TTLL2: variants seen among roughly 807,000 people sequenced by gnomAD.
The protein encoded by TTLL2 is probable tubulin polyglutamylase TTLL2.
A neutral mutation model predicts 7.5 loss-of-function variants in TTLL2; 10 were observed. That is an observed-to-expected ratio of 1.33 (90% CI 0.82 to 2.25). The LOEUF is 2.25. Ranked by LOEUF, TTLL2 falls within the 30% of genes most tolerant of loss-of-function variation. The probability of loss-of-function intolerance (pLI) is 0.00; values close to 1 mark genes in which losing one functional copy is unlikely to be tolerated. For missense variants in TTLL2, 733 were observed against 735.7 expected, an observed-to-expected ratio of 1.00 and a Z score of 0.04; for synonymous variants, 284 against 280.3, an observed-to-expected ratio of 1.01 and a Z score of -0.13.
In TTLL2 at chr6:167,341,676, C is replaced by T; in HGVS notation, c.1776C>T (p.Ser592=). Residue 592 remains serine, a synonymous_variant, in exon 3 of 3, where the codon TCC becomes TCT. Transcript: ENST00000239587. Reference sequence around the variant, plus strand: ...AGAAACTAATGAATAAGCAACATTCCTAAGTGGTAAAAAATCAAATCAAGA... The same window carrying T: ...AGAAACTAATGAATAAGCAACATTCTTAAGTGGTAAAAAATCAAATCAAGA... ...ELQKLMNKQH[S] is the part of the protein sequence containing the mutation. 1 of 1,587,830 alleles carries T rather than the reference C, an allele frequency of 6.3e-7. No homozygotes were observed. Among genetic ancestry groups the T allele is most frequent in the Non-Finnish European group, 8.5e-7 (1 of 1,170,636 alleles).
At chr6:167,335,839 G>A (rs1465804855) in intron 1 of TTLL2, among the ~76,000 whole-genome samples, 1 of 110,120 alleles carries the variant, frequency 9.1e-6, no homozygotes, top group African/African-American at 3.5e-5. Flanking sequence ...GGGGAGGGGG[G>A]AGGGATAGCA....
chr6:167,329,302 T>G (rs988275996), intron 1 of TTLL2, among the ~76,000 whole-genome samples: 2 of 152,200 alleles, frequency 1.3e-5, no homozygotes, highest in Non-Finnish European at 2.9e-5. Flanking sequence ...GAGACTATCA[T>G]GACTCAACAG....
intron 2 of TTLL2, among the ~76,000 whole-genome samples, chr6:167,339,843 A>C (rs1273184199): frequency 1.3e-5 from 2 of 152,224 alleles, no homozygotes; most frequent in African/African-American, 4.8e-5. Flanking sequence ...AAACATTTTT[A>C]ACATGTTACT....
chr6:167,335,025 G>C (rs1253539361), intron 1 of TTLL2, among the ~76,000 whole-genome samples: 2 of 69,818 alleles, frequency 2.9e-5, no homozygotes, highest in Non-Finnish European at 5.1e-5. Context: ...CCATCAGAGT[G>C]AACAGGCAAC....
chr6:167,338,787 C>T lies in TTLL2; in HGVS notation c.188C>T (p.Pro63Leu), dbSNP rs537648843. ...CCTCCCAGGCGAGGCCGCCCAACACCAACACTGGAGAAGAAGGTGGGTGGG... is the reference window on the plus strand; with the variant it reads ...CCTCCCAGGCGAGGCCGCCCAACACTAACACTGGAGAAGAAGGTGGGTGGG... ...SIPPRRGRPT[P>L]TLEKKKKPHL... is the part of the protein sequence containing the mutation. Residue 63 changes from proline (P) to leucine (L), a missense_variant, in exon 2 of 3, where the codon CCA (proline) becomes CTA (leucine). By Grantham distance (98) the Pro-to-Leu change is moderately conservative (BLOSUM62 -3). Transcript: ENST00000239587. The T allele has an allele frequency of 2.5e-6, 4 of 1,611,086 alleles. No homozygotes were observed. In the African/African-American group the frequency reaches 4.0e-5, roughly 16 times the overall value.
Position 167,330,407 on chromosome 6 carries a change from A to G in TTLL2, c.47+5187A>G, listed in dbSNP as rs961029882. 2.0e-5 allele frequency among the ~76,000 whole-genome samples: 3 copies of G among 152,004 alleles called. No homozygotes were observed. In the East Asian group the frequency reaches 5.8e-4, roughly 29 times the overall value. On this transcript the variant is annotated intron_variant, in intron 1 of 2. Coordinates refer to ENST00000239587, the MANE Select transcript of TTLL2 (RefSeq NM_031949.5). The stretch of plus-strand genomic sequence containing the variant: ...ACCCCGTCTCTACTAAAAATACAAA[A>G]CAAATTATCCAGGCGTGGTGGTGCC...
In TTLL2 at chr6:167,338,824, GTTCCTTCC is replaced by G. The variant is rs370141340; in HGVS notation, c.204+57_204+64del. 961 of 1,061,264 alleles carry G rather than the reference GTTCCTTCC, an allele frequency of 9.1e-4. 3 individuals carry two copies. The highest frequency in any genetic ancestry group is 4.2e-3 in the African/African-American group (242 of 57,812). The allele number at this position is 1,061,264 out of a possible 1,614,324, so 65.7% of individuals were successfully genotyped here. A position where few individuals can be genotyped will look rare whatever the true frequency, so the allele number is the denominator to read the frequency against. ...AGAAGGTGGGTGGGCAAGCCAGGTAGTTCCTTCCTTCCTTCCTTCCTTCCTTCCTTCCT... is the reference window on the plus strand; with the variant it reads ...AGAAGGTGGGTGGGCAAGCCAGGTAGTTCCTTCCTTCCTTCCTTCCTTCCT... On this transcript the variant is annotated intron_variant, in intron 2 of 2. Coordinates refer to ENST00000239587, the MANE Select transcript of TTLL2 (RefSeq NM_031949.5).
chr6:167,340,752 G>A lies in TTLL2; in HGVS notation c.852G>A (p.Lys284=). The A allele has an allele frequency of 6.2e-7, 1 of 1,614,192 alleles. No individual in the cohort carries two copies. The highest frequency in any genetic ancestry group is 8.5e-7 in the Non-Finnish European group (1 of 1,180,036). ...GGTTGGTTCGGTTTGCCACGGAAAAGTTTGACCTCAGTAATTTGCAAAACA... is the reference window on the plus strand; with the variant it reads ...GGTTGGTTCGGTTTGCCACGGAAAAATTTGACCTCAGTAATTTGCAAAACA... ...QEGLVRFATE[K]FDLSNLQNNY... The change falls in exon 3 of 3, where the codon AAG becomes AAA. Residue 284 remains lysine (K), a synonymous_variant. Transcript: ENST00000239587.
At chr6:167,335,973 A>T (rs1778978870) in intron 1 of TTLL2, among the ~76,000 whole-genome samples, 1 of 94,392 alleles carries the variant, frequency 1.1e-5, no homozygotes, top group Non-Finnish European at 1.9e-5. Context: ...AAGTATAATT[A>T]AAAAAAGAAA....
At chr6:167,338,363 TACAG>T (rs1396393787) in intron 1 of TTLL2, among the ~76,000 whole-genome samples, 1 of 144,844 alleles carries the variant, frequency 6.9e-6, no homozygotes, top group Non-Finnish European at 1.5e-5. Context: ...ACACACAACA[TACAG>T]ACAACACATA....
chr6:167,338,167 C>CAGCACAA (rs1779015388), intron 1 of TTLL2, among the ~76,000 whole-genome samples: 1 of 151,542 alleles, frequency 6.6e-6, no homozygotes, highest in South Asian at 2.1e-4. Context: ...CATAAACACA[C>CAGCACAA]AGCACATACA....
chr6:167,327,301 A>G (rs908857767), intron 1 of TTLL2, among the ~76,000 whole-genome samples: 17 of 152,148 alleles, frequency 1.1e-4, no homozygotes, highest in African/African-American at 3.9e-4. Flanking sequence ...TGTGAAGATG[A>G]GTTATCATCT....
intron 1 of TTLL2, among the ~76,000 whole-genome samples, chr6:167,332,467 A>G (rs542311347): frequency 3.3e-5 from 5 of 152,174 alleles, no homozygotes; most frequent in Non-Finnish European, 7.4e-5. Context: ...GTTTTTTCCA[A>G]TTCTGTGAAG....
At chr6:167,330,003 C>T (rs1330459808) in intron 1 of TTLL2, among the ~76,000 whole-genome samples, 1 of 152,160 alleles carries the variant, frequency 6.6e-6, no homozygotes, top group African/African-American at 2.4e-5. Context: ...GATTTAAGCA[C>T]TGAGGGTAAA....
chr6:167,339,732 G>A (rs577526674), intron 2 of TTLL2, among the ~76,000 whole-genome samples: 4 of 152,222 alleles, frequency 2.6e-5, no homozygotes, highest in African/African-American at 7.2e-5. Flanking sequence ...GTTGACATTC[G>A]TGTTTTGTTC....
intron 1 of TTLL2, among the ~76,000 whole-genome samples, chr6:167,335,906 G>C (rs3010555): frequency 1.4e-5 from 2 of 143,916 alleles, no homozygotes; most frequent in African/African-American, 5.2e-5. Context: ...CACCAGCATG[G>C]CACATGTATA....
Position 167,341,708 on chromosome 6 carries a change from G to C in TTLL2, c.*29G>C. The C allele has an allele frequency of 6.4e-7, 1 of 1,561,768 alleles. No homozygotes were observed. The highest frequency in any genetic ancestry group is 1.2e-5 in the South Asian group (1 of 80,842). On this transcript the variant is annotated 3_prime_UTR_variant, in exon 3 of 3. Coordinates refer to ENST00000239587, the MANE Select transcript of TTLL2 (RefSeq NM_031949.5). ...GTAAAAAATCAAATCAAGAAAAAGT[G>C]ACATGGATTTTTAAAAACCAAGGAT...
rs1779087093 is a variant in TTLL2, at chr6:167,341,172, G to T, written c.1272G>T (p.Gly424=). Residue 424 remains glycine (G), a synonymous_variant, in exon 3 of 3, where the codon GGG becomes GGT. Coordinates refer to ENST00000239587, the MANE Select transcript of TTLL2 (RefSeq NM_031949.5). ...LIYLNGLRNE[G]REASNATHGN... is the part of the protein sequence containing the mutation. Reference sequence around the variant, plus strand: ...ACTTAAATGGTCTAAGAAATGAGGGGAGAGAAGCCAGTAATGCCACACATG... The same window carrying T: ...ACTTAAATGGTCTAAGAAATGAGGGTAGAGAAGCCAGTAATGCCACACATG... 8.7e-6 allele frequency: 14 copies of T among 1,613,756 alleles called. No homozygotes were observed. The highest frequency in any genetic ancestry group is 1.2e-5 in the Non-Finnish European group (14 of 1,179,968).
At position 167,341,442 on chromosome 6, in the gene TTLL2, G is replaced by C. The variant is rs1779095517; in HGVS notation, c.1542G>C (p.Arg514Ser). Residue 514 changes from arginine to serine, a missense_variant, in exon 3 of 3, where the codon AGG becomes AGC. Physicochemically the swap from Arg to Ser is moderately radical, Grantham distance 110. Coordinates refer to ENST00000239587, the MANE Select transcript of TTLL2 (RefSeq NM_031949.5). ...AAAGCAAGCCCAAGTTACGGAGCAG[G>C]CACACGCCTCACAAGACACTCATGC... ...MPQSKPKLRS[R>S]HTPHKTLMPY... is the part of the protein sequence containing the mutation. The C allele has an allele frequency of 6.2e-7, 1 of 1,613,858 alleles. No individual in the cohort carries two copies. The highest frequency in any genetic ancestry group is 1.3e-5 in the African/African-American group (1 of 74,832).
Sources: gnomAD v4.1 joint callset for allele counts (sites outside exome capture counted in the v4.1 genomes callset) on GRCh38, gnomAD v4.1.1 for gene constraint, MANE v1.5 for transcripts, NCBI Gene and HGNC (gene_info 2026-07-23, HGNC 2026-07-21) for gene names.